Variants in RNF111 observed in about 807,000 individuals in gnomAD.
RNF111 encodes E3 ubiquitin-protein ligase Arkadia.
In RNF111, 17 loss-of-function variants were observed where a neutral mutation model predicts 95.1. That is an observed-to-expected ratio of 0.18 (90% confidence interval 0.12 to 0.27). The LOEUF (loss-of-function observed/expected upper bound fraction) is 0.27, where lower values mean the gene tolerates loss of function less well. RNF111 is among the 10% of genes least tolerant of loss of function. The probability of loss-of-function intolerance (pLI) is 1.00; values close to 1 mark genes in which losing one functional copy is unlikely to be tolerated. For synonymous variants in RNF111, 440 were observed against 414.8 expected (o/e 1.06, Z -0.74); for missense variants, 1,189 against 1,210.4 (o/e 0.98, Z 0.26).
chr15:59,002,009 C>T (rs955115930), intron 1 of RNF111, among the ~76,000 whole-genome samples: 8 of 152,080 alleles, frequency 5.3e-5, no homozygotes, highest in Admixed American at 2.0e-4. Context: ...CTTGTGATGA[C>T]GGAAAATGAT....
At chr15:59,082,694 C>T (rs1158376748) in intron 8 of RNF111, among the ~76,000 whole-genome samples, 1 of 152,118 alleles carries the variant, frequency 6.6e-6, no homozygotes, top group Admixed American at 6.5e-5. Context: ...CAACAGAGAA[C>T]ATACGGCCTG....
chr15:59,002,110 TTTC>T (rs756198549), intron 1 of RNF111, among the ~76,000 whole-genome samples: 40 of 152,178 alleles, frequency 2.6e-4, no homozygotes, highest in Non-Finnish European at 5.0e-4. Flanking sequence ...TCTAGAGTTT[TTTC>T]TTTAATATTT....
intron 2 of RNF111, among the ~76,000 whole-genome samples, chr15:59,040,836 C>T (rs1227172273): frequency 6.6e-6 from 1 of 152,102 alleles, no homozygotes; most frequent in African/African-American, 2.4e-5. Context: ...CATTTAGGTT[C>T]ATTTATTTCA....
intron 2 of RNF111, among the ~76,000 whole-genome samples, chr15:59,039,294 G>C (rs561032059): frequency 1.3e-5 from 2 of 152,102 alleles, no homozygotes; most frequent in African/African-American, 4.8e-5. Context: ...TTTTGCTTAG[G>C]TTTATTATCT....
Position 59,044,037 on chromosome 15 carries a change from T to TC in RNF111, c.881-8267dup, listed in dbSNP as rs145567857. On this transcript the variant is annotated intron_variant, in intron 2 of 13. Transcript: ENST00000348370. ...ACAGATTGGAAACTGTCTTTTTTTT[T>TC]CTGGTGGGGGGAGACAGAGTTTCGC... 1.3e-3 allele frequency among the ~76,000 whole-genome samples: 205 copies of TC among 152,312 alleles called. 7 individuals are homozygous for TC. Among genetic ancestry groups the TC allele is most frequent in the Admixed American group, 8.8e-3 (135 of 15,296 alleles).
At chr15:59,092,230 A>T (rs1225538646) in intron 12 of RNF111, among the ~76,000 whole-genome samples, 1 of 152,242 alleles carries the variant, frequency 6.6e-6, no homozygotes, top group Non-Finnish European at 1.5e-5. Flanking sequence ...TGCTCATGGT[A>T]GGATAAAAAT....
chr15:58,989,217 A>G (rs1303568012), intron 1 of RNF111, among the ~76,000 whole-genome samples: 3 of 152,350 alleles, frequency 2.0e-5, no homozygotes, highest in Non-Finnish European at 1.5e-5. Flanking sequence ...TATAAGCCAC[A>G]TTGTTTCACC....
At chr15:59,089,624 C>A in intron 10 of RNF111, 43 bp from the exon 11 acceptor site, 2 of 1,399,858 alleles carry the variant, frequency 1.4e-6, no homozygotes, top group South Asian at 1.2e-5. Flanking sequence ...AATCACAAGT[C>A]TATTCTTAAA....
intron 7 of RNF111, among the ~76,000 whole-genome samples, chr15:59,076,422 T>C (rs1430832019): frequency 6.6e-6 from 1 of 152,252 alleles, no homozygotes; most frequent in Non-Finnish European, 1.5e-5. Context: ...TTCTTTAGTA[T>C]AGCTGAAGAA....
chr15:59,061,283 A>G (rs756397210), intron 5 of RNF111, among the ~76,000 whole-genome samples: 1 of 152,190 alleles, frequency 6.6e-6, no homozygotes, highest in Non-Finnish European at 1.5e-5. Context: ...CCTATGGAAC[A>G]TTAGTTCAAC....
At chr15:59,062,312 G>A (rs539332968) in intron 5 of RNF111, among the ~76,000 whole-genome samples, 1 of 152,156 alleles carries the variant, frequency 6.6e-6, no homozygotes, top group African/African-American at 2.4e-5. Flanking sequence ...CAAAGTGTTG[G>A]GATTACAAGT....
chr15:59,033,781 T>C (rs1226739800), intron 2 of RNF111, among the ~76,000 whole-genome samples: 1 of 152,204 alleles, frequency 6.6e-6, no homozygotes, highest in Non-Finnish European at 1.5e-5. Context: ...GCGTGTGTGT[T>C]TTTTTTCATT....
At chr15:59,092,498 A>G (rs369845274) in intron 12 of RNF111, 39 bp from the exon 13 acceptor site, 154 of 1,582,942 alleles carry the variant, frequency 9.7e-5, no homozygotes, top group African/African-American at 2.7e-5. Context: ...CAATAATGTC[A>G]TCTCTACTAA....
chr15:59,063,133 C>T (rs771613775), intron 5 of RNF111, among the ~76,000 whole-genome samples: 7 of 152,124 alleles, frequency 4.6e-5, no homozygotes, highest in Non-Finnish European at 1.0e-4. Flanking sequence ...CTTCTTGGCG[C>T]TTAGCTACAT....
chr15:59,029,170 GT>G lies in RNF111; in HGVS notation c.-19-1624del, dbSNP rs1210166795. Among the ~76,000 whole-genome samples, 22 of 148,580 alleles carry G rather than the reference GT, an allele frequency of 1.5e-4. No individual in the cohort carries two copies. The East Asian group carries it at 3.7e-3, about 25-fold the overall frequency. ...ATCAGCAATATATGAGGGTTCCAAT[GT>G]TTTTTTTTTATGCATCCTCTCTAAC... is the stretch of plus-strand genomic sequence containing the variant. On this transcript the variant is annotated intron_variant, in intron 1 of 13. Transcript: ENST00000348370.
chr15:58,997,516 T>TAA (rs11337128), intron 1 of RNF111, among the ~76,000 whole-genome samples: 2 of 142,332 alleles, frequency 1.4e-5, no homozygotes, highest in African/African-American at 5.2e-5. Flanking sequence ...CATTTGCAGT[T>TAA]AAAAAAAAAA....
intron 5 of RNF111, among the ~76,000 whole-genome samples, chr15:59,063,618 C>T (rs577955561): frequency 6.6e-6 from 1 of 152,190 alleles, no homozygotes; most frequent in African/African-American, 2.4e-5. Context: ...TGGGTAGTAA[C>T]TCTCGAATGA....
intron 1 of RNF111, among the ~76,000 whole-genome samples, chr15:59,013,550 A>G (rs1269609124): frequency 1.3e-5 from 2 of 152,210 alleles, no homozygotes; most frequent in African/African-American, 4.8e-5. Context: ...ATCACATTGT[A>G]TCAGGAGTAC....
At chr15:59,023,153 C>A (rs988944284) in intron 1 of RNF111, among the ~76,000 whole-genome samples, 1 of 152,152 alleles carries the variant, frequency 6.6e-6, no homozygotes, top group Non-Finnish European at 1.5e-5. Flanking sequence ...GAGGCTGAGG[C>A]AGGAGAATCG....
Sources: allele counts gnomAD v4.1 joint callset (sites outside exome capture counted in the v4.1 genomes callset), GRCh38; gene constraint gnomAD v4.1.1; transcripts MANE v1.5; gene names NCBI Gene and HGNC (gene_info 2026-07-23, HGNC 2026-07-21).